Variants in DAD1 observed in about 807,000 individuals in gnomAD.
The protein encoded by DAD1 is dolichyl-diphosphooligosaccharide--protein glycosyltransferase subunit DAD1.
A neutral mutation model predicts 9.0 loss-of-function variants in DAD1; 4 were observed. The observed-to-expected ratio is 0.44, with a 90% CI of 0.22 to 1.01. The LOEUF (loss-of-function observed/expected upper bound fraction) is 1.01, where lower values mean the gene tolerates loss of function less well. Ranked by LOEUF, DAD1 falls within the 50% of genes least tolerant of loss-of-function variation. The pLI is 0.24. For missense variants in DAD1, 119 were observed against 137.3 expected (o/e 0.87, Z 0.67); for synonymous variants, 60 against 62.5 (o/e 0.96, Z 0.19).
Position 22,589,133 on chromosome 14 carries a change from T to C in DAD1, c.25A>G (p.Ile9Val). ...AAGTACTCTTCTAAGAACCGCGAAA[T>C]GACAGACACTACCGACGCCGACATA... MSASVVSV[I>V]SRFLEEYLSS... Residue 9 changes from isoleucine to valine, a missense_variant, in exon 1 of 3, where the codon ATT becomes GTT. Ile to Val is a conservative substitution (Grantham distance 29). Transcript: ENST00000250498. 6.2e-7 allele frequency: 1 copy of C among 1,614,132 alleles called. No homozygotes were observed. The highest frequency in any genetic ancestry group is 8.5e-7 in the Non-Finnish European group (1 of 1,180,024).
chr14:22,585,593 G>A (rs1185235690), intron 1 of DAD1, among the ~76,000 whole-genome samples: 1 of 152,168 alleles, frequency 6.6e-6, no homozygotes, highest in Non-Finnish European at 1.5e-5. Flanking sequence ...CACAAAAAAA[G>A]ATCTCTCAAT....
intron 1 of DAD1, among the ~76,000 whole-genome samples, chr14:22,576,592 C>T (rs5742787): frequency 0.28 from 42,734 of 152,028 alleles, 6,280 homozygotes; most frequent in Admixed American, 0.3. Flanking sequence ...ACCAAAAGTA[C>T]AGTCAACAAA....
intron 1 of DAD1, 46 bp downstream of exon 1, chr14:22,588,901 C>A (rs1325696946): frequency 1.3e-6 from 2 of 1,595,758 alleles, no homozygotes; most frequent in African/African-American, 1.3e-5. Context: ...AAAAGCAGCA[C>A]ACCAAAGTAA....
chr14:22,578,626 G>A (rs2037094728), intron 1 of DAD1, among the ~76,000 whole-genome samples: 1 of 152,182 alleles, frequency 6.6e-6, no homozygotes, highest in South Asian at 2.1e-4. Flanking sequence ...TTAAAACTTG[G>A]TAAAACCAAT....
At chr14:22,587,381 C>G (rs1160307384) in intron 1 of DAD1, among the ~76,000 whole-genome samples, 1 of 152,140 alleles carries the variant, frequency 6.6e-6, no homozygotes, top group Non-Finnish European at 1.5e-5. Context: ...AAGTTCTCAT[C>G]AAGGTTCCTT....
intron 1 of DAD1, among the ~76,000 whole-genome samples, chr14:22,576,467 C>T (rs943614006): frequency 6.6e-6 from 1 of 152,066 alleles, no homozygotes; most frequent in Non-Finnish European, 1.5e-5. Context: ...TAACTCGAAA[C>T]GGATCAAAGA....
Position 22,582,519 on chromosome 14 carries a change from G to A in DAD1, c.211+6428C>T, listed in dbSNP as rs565588796. On this transcript the variant is annotated intron_variant, in intron 1 of 2. Coordinates refer to ENST00000250498, the MANE Select transcript of DAD1 (RefSeq NM_001344.4). The stretch of plus-strand genomic sequence containing the variant: ...AGCCTGGGCAACAGAGCGAGACTCC[G>A]TCTCAAAAATATAAAAAATAAAAAG... Among the ~76,000 whole-genome samples the A allele has an allele frequency of 1.0e-3, 155 of 152,124 alleles. 1 individual carries two copies. Among genetic ancestry groups the A allele is most frequent in the Admixed American group, 1.8e-3 (27 of 15,284 alleles).
intron 2 of DAD1, among the ~76,000 whole-genome samples, chr14:22,570,632 T>C (rs967973723): frequency 6.6e-6 from 1 of 152,244 alleles, no homozygotes; most frequent in East Asian, 1.9e-4. Context: ...TAGATTACTA[T>C]ACTTTAACTG....
chr14:22,581,743 CAAAAAAAA>C (rs59052046), intron 1 of DAD1, among the ~76,000 whole-genome samples: 15 of 36,734 alleles, frequency 4.1e-4, no homozygotes, highest in Admixed American at 4.5e-4. Flanking sequence ...AACTCCATCT[CAAAAAAAA>C]AAAAAAAAAA....
intron 2 of DAD1, among the ~76,000 whole-genome samples, chr14:22,570,685 G>A (rs1281398650): frequency 6.6e-6 from 1 of 152,304 alleles, no homozygotes; most frequent in African/African-American, 2.4e-5. Context: ...AAACAGTGCT[G>A]CCAGTCAGAG....
chr14:22,583,472 T>C (rs10145349), intron 1 of DAD1, among the ~76,000 whole-genome samples: 42,577 of 151,948 alleles, frequency 0.28, 6,391 homozygotes, highest in Admixed American at 0.3. Flanking sequence ...AGTGAAGTAG[T>C]GAGGACAGAC....
chr14:22,584,495 T>C (rs2037139293), intron 1 of DAD1, among the ~76,000 whole-genome samples: 2 of 152,154 alleles, frequency 1.3e-5, no homozygotes, highest in East Asian at 1.9e-4. Flanking sequence ...GCAGGACTGC[T>C]TGAGCCAAGG....
intron 1 of DAD1, among the ~76,000 whole-genome samples, chr14:22,582,757 G>A (rs2037126148): frequency 1.3e-5 from 2 of 152,168 alleles, no homozygotes; most frequent in South Asian, 2.1e-4. Flanking sequence ...TGTAATCCCA[G>A]CACTTTGGGA....
intron 2 of DAD1, among the ~76,000 whole-genome samples, chr14:22,571,313 CAAAAA>C (rs71115558): frequency 2.8e-4 from 32 of 115,344 alleles, no homozygotes; most frequent in African/African-American, 1.2e-3. Context: ...GACTCTGTCT[CAAAAA>C]AAAAAAAAAA....
intron 1 of DAD1, among the ~76,000 whole-genome samples, chr14:22,584,069 T>C (rs2037136116): frequency 6.6e-6 from 1 of 152,072 alleles, no homozygotes. Flanking sequence ...ATCAGCACCA[T>C]ATCCATATTT....
intron 1 of DAD1, among the ~76,000 whole-genome samples, chr14:22,588,193 T>C (rs761080129): frequency 3.3e-5 from 5 of 152,204 alleles, no homozygotes; most frequent in East Asian, 1.9e-4. Context: ...AAAGAAACCA[T>C]GAATGCTGGC....
Position 22,589,101 on chromosome 14 carries a change from G to A in DAD1, c.57C>T (p.Ser19=). The change falls in exon 1 of 3, where the codon TCC becomes TCT. Residue 19 remains serine (S), a synonymous_variant. Coordinates refer to ENST00000250498, the MANE Select transcript of DAD1 (RefSeq NM_001344.4). ...ISRFLEEYLS[S]TPQRLKLLDA... ...CCAGCAACTTCAGACGCTGCGGAGTGGAGCTCAAGTACTCTTCTAAGAACC... is the reference window on the plus strand; with the variant it reads ...CCAGCAACTTCAGACGCTGCGGAGTAGAGCTCAAGTACTCTTCTAAGAACC... The A allele has an allele frequency of 6.2e-7, 1 of 1,614,206 alleles. No individual in the cohort carries two copies. Among genetic ancestry groups the A allele is most frequent in the African/African-American group, 1.3e-5 (1 of 75,036 alleles).
At chr14:22,574,330 T>C (rs999433640) in intron 2 of DAD1, among the ~76,000 whole-genome samples, 1 of 152,080 alleles carries the variant, frequency 6.6e-6, no homozygotes, top group African/African-American at 2.4e-5. Flanking sequence ...GAACTCTGCT[T>C]GGGAGGGAGC....
chr14:22,588,925 T>C (rs1336923469), intron 1 of DAD1, 22 bp downstream of exon 1: 5 of 1,610,482 alleles, frequency 3.1e-6, no homozygotes, highest in Non-Finnish European at 4.2e-6. Flanking sequence ...ATTATTATTA[T>C]GATCACTTAT....
Sources: gnomAD v4.1 joint callset for allele counts (sites outside exome capture counted in the v4.1 genomes callset) on GRCh38, gnomAD v4.1.1 for gene constraint, MANE v1.5 for transcripts, NCBI Gene and HGNC (gene_info 2026-07-23, HGNC 2026-07-21) for gene names.